Variants in DYNC1H1 observed in about 807,000 individuals in gnomAD.
DYNC1H1 encodes dynein cytoplasmic 1 heavy chain 1, also known as cytoplasmic dynein 1 heavy chain 1.
A neutral mutation model predicts 527.1 loss-of-function variants in DYNC1H1; 51 were observed. The observed-to-expected ratio is 0.10, with a 90% CI of 0.08 to 0.12. DYNC1H1 has a LOEUF of 0.12. Among genes scored for constraint, DYNC1H1 ranks in the 10% least tolerant of loss-of-function variants. The probability of loss-of-function intolerance (pLI) is 1.00; values close to 1 mark genes in which losing one functional copy is unlikely to be tolerated. For missense variants in DYNC1H1, 2,771 were observed against 5,971.8 expected, an observed-to-expected ratio of 0.46 and a Z score of 17.66; for synonymous variants, 2,189 against 2,278.8, an observed-to-expected ratio of 0.96 and a Z score of 1.12.
At position 102,054,360 on chromosome 14, in the gene DYNC1H1, C is replaced by T. The variant is rs1478269686; in HGVS notation, c.*3797C>T. The T allele has an allele frequency of 6.6e-6, 1 of 152,232 alleles. No individual in the cohort carries two copies. The highest frequency in any genetic ancestry group is 2.4e-5 in the African/African-American group (1 of 41,452). The allele number at this position is 152,232 out of a possible 1,614,324, so 9.4% of individuals were successfully genotyped here. On this transcript the variant is annotated 3_prime_UTR_variant, in exon 78 of 78. Coordinates refer to ENST00000360184, the MANE Select transcript of DYNC1H1 (RefSeq NM_001376.5). ...CCTGAAGGGCGTTCTGGGGAGCCTC[C>T]ACCTTCACACCGAAGGCCGCCAAGG... is the stretch of plus-strand genomic sequence containing the variant.
At chr14:102,024,529 G>A (rs2048425869) in intron 43 of DYNC1H1, among the ~76,000 whole-genome samples, 1 of 152,124 alleles carries the variant, frequency 6.6e-6, no homozygotes, top group South Asian at 2.1e-4. Context: ...GGTTCACCAC[G>A]TCAGGGAGGG....
chr14:102,032,939 C>A, intron 52 of DYNC1H1, 126 bp from the exon 53 acceptor site: 2 of 948,216 alleles, frequency 2.1e-6, no homozygotes, highest in South Asian at 1.4e-5. Context: ...TCTAGCTCAT[C>A]CCCAGTGGTC....
intron 1 of DYNC1H1, among the ~76,000 whole-genome samples, chr14:101,968,497 G>A (rs2720217): frequency 0.036 from 5,454 of 151,960 alleles, 253 homozygotes; most frequent in African/African-American, 0.11. Context: ...GCCTGCCAAA[G>A]TGCTGGGATT....
At position 102,015,876 on chromosome 14, in the gene DYNC1H1, G is replaced by A. The variant is rs201651726; in HGVS notation, c.7263G>A (p.Thr2421=). ...TCTAGATCCAAAGAGATGCAGCTACGATCATGCAACCGTACTTCACGTCCA... is the reference window on the plus strand; with the variant it reads ...TCTAGATCCAAAGAGATGCAGCTACAATCATGCAACCGTACTTCACGTCCA... ...PMLQIQRDAA[T]IMQPYFTSNG... Residue 2421 remains threonine, a synonymous_variant, in exon 36 of 78, where the codon ACG becomes ACA. Transcript: ENST00000360184. The surrounding 1 kb of genome is among the most constrained non-coding windows in gnomAD (Gnocchi z 6.9). The A allele has an allele frequency of 3.2e-5, 51 of 1,614,190 alleles. No individual in the cohort carries two copies. In the African/African-American group the frequency reaches 3.7e-4, roughly 12 times the overall value.
rs1380450876 is a variant in DYNC1H1, at chr14:102,034,014, T to C, written c.10452T>C (p.Ala3484=). ...CTGCTCTTCTGAAGAGCTTGTCTGC[T>C]GAACGTGAACGATGGGAAAAAACAA... ...RSTALLKSLS[A]ERERWEKTSE... is the part of the protein sequence containing the mutation. Residue 3484 remains alanine, a synonymous_variant, in exon 55 of 78, where the codon GCT becomes GCC. Transcript: ENST00000360184. 2 of 1,614,092 alleles carry C rather than the reference T, an allele frequency of 1.2e-6. No individual in the cohort carries two copies. The highest frequency in any genetic ancestry group is 1.7e-6 in the Non-Finnish European group (2 of 1,180,040).
At position 102,055,666 on chromosome 14, in the gene DYNC1H1, C is replaced by T. The variant is rs1435285922; in HGVS notation, c.*5103C>T. ...CGATTCCACCTGTCCAAGGTAAAAC[C>T]CTGAGGTTGTCCCTCCTCCGCGGCA... is the stretch of plus-strand genomic sequence containing the variant. On this transcript the variant is annotated 3_prime_UTR_variant, in exon 78 of 78. Transcript: ENST00000360184. 3 of 152,600 alleles carry T rather than the reference C, an allele frequency of 2.0e-5. No individual in the cohort carries two copies. The highest frequency in any genetic ancestry group is 6.5e-5 in the Admixed American group (1 of 15,270). 9.5% of individuals were successfully genotyped at this position (152,600 alleles called of 1,614,324 possible). A position where few individuals can be genotyped will look rare whatever the true frequency, so the allele number is the denominator to read the frequency against.
rs1475165809 is a variant in DYNC1H1, at chr14:102,006,139, C to G, written c.5685C>G (p.Ala1895=). The part of the protein sequence containing the change: ...TDRCYLTMTQ[A]LEARLGGSPF... ...GCTGCTATTTGACAATGACACAAGC[C>G]TTGGAGGCCAGGCTGGGGGGTTCCC... Residue 1895 remains alanine (A), a synonymous_variant, in exon 27 of 78, where the codon GCC becomes GCG. Coordinates refer to ENST00000360184, the MANE Select transcript of DYNC1H1 (RefSeq NM_001376.5). The G allele has an allele frequency of 6.2e-6, 10 of 1,614,064 alleles. No individual in the cohort carries two copies. The highest frequency in any genetic ancestry group is 8.5e-6 in the Non-Finnish European group (10 of 1,180,046).
chr14:102,023,500 G>C (rs1199945348), intron 43 of DYNC1H1: 2 of 184,968 alleles, frequency 1.1e-5, no homozygotes, highest in Non-Finnish European at 1.1e-5. Flanking sequence ...GGTGAGCTGA[G>C]ATCGCGCCAT....
rs1206488209 is a variant in DYNC1H1 at position 101,965,930 on chromosome 14, C to T, written c.256+983C>T. ...CGCCCACCAGCAAGGTTACATTCATCTAAGTCTGGGGCTTGCCTGCAGGCA... is the reference window on the plus strand; with the variant it reads ...CGCCCACCAGCAAGGTTACATTCATTTAAGTCTGGGGCTTGCCTGCAGGCA... On this transcript the variant is annotated intron_variant, in intron 1 of 77. Coordinates refer to ENST00000360184, the MANE Select transcript of DYNC1H1 (RefSeq NM_001376.5). This position sits in a 1 kb window ranked among gnomAD's most constrained non-coding sequence, Gnocchi z 4.1. Among the ~76,000 whole-genome samples, 1 of 152,058 alleles carries T rather than the reference C, an allele frequency of 6.6e-6. No individual in the cohort carries two copies. The highest frequency in any genetic ancestry group is 1.5e-5 in the Non-Finnish European group (1 of 68,008).
chr14:102,019,577 G>A (rs962747647), intron 41 of DYNC1H1, among the ~76,000 whole-genome samples: 3 of 152,110 alleles, frequency 2.0e-5, no homozygotes, highest in Admixed American at 6.6e-5. Flanking sequence ...CTTTGTTCTG[G>A]ACAGTTATTT....
chr14:102,022,796 C>A lies in DYNC1H1; in HGVS notation c.8553C>A (p.Asp2851Glu). Residue 2851 changes from aspartate (D) to glutamate (E), a missense_variant, in exon 43 of 78, where the codon GAC becomes GAA. Physicochemically the swap from Asp to Glu is conservative, Grantham distance 45 (BLOSUM62 2). Coordinates refer to ENST00000360184, the MANE Select transcript of DYNC1H1 (RefSeq NM_001376.5). ...GGCGTTGGACTGATGAGAACATCGA[C>A]ACGGTTGCTCTGAAGCACTTCCCTA... ...EERRWTDENI[D>E]TVALKHFPNI... 6.2e-7 allele frequency: 1 copy of A among 1,614,220 alleles called. No homozygotes were observed. The highest frequency in any genetic ancestry group is 8.5e-7 in the Non-Finnish European group (1 of 1,180,036).
At chr14:101,991,876 T>G (rs2048002560) in intron 11 of DYNC1H1, among the ~76,000 whole-genome samples, 1 of 152,194 alleles carries the variant, frequency 6.6e-6, no homozygotes, top group African/African-American at 2.4e-5. Context: ...TTGGTCTCAG[T>G]AGTTTCTTCG....
rs555992808 is a variant in DYNC1H1, at chr14:102,001,568, T to C, written c.4429T>C (p.Leu1477=). The C allele has an allele frequency of 4.3e-6, 7 of 1,614,156 alleles. No individual in the cohort carries two copies. In the Admixed American group the frequency reaches 5.0e-5, roughly 12 times the overall value. ...AGTGTGGAATACTTATGAACTAGAC[T>C]TGGTTAATTATCAGAACAAGTGCCG... ...REVWNTYELD[L]VNYQNKCRLI... The change falls in exon 21 of 78, where the codon TTG becomes CTG. Residue 1477 remains leucine, a synonymous_variant. Transcript: ENST00000360184. The surrounding 1 kb of genome is among the most constrained non-coding windows in gnomAD (Gnocchi z 5.0).
chr14:102,040,386 G>C lies in DYNC1H1; in HGVS notation c.11841G>C (p.Leu3947Phe). 1 of 1,614,220 alleles carries C rather than the reference G, an allele frequency of 6.2e-7. No homozygotes were observed. The highest frequency in any genetic ancestry group is 8.5e-7 in the Non-Finnish European group (1 of 1,180,044). ...GCTGCCTTCCCGCGTTTAAGGACTT[G>C]ATTGCAAAGGTTCAGGCAGACGAGG... Reference protein sequence around the residue: ...RLSCLPAFKDLIAKVQADEQF... With the variant: ...RLSCLPAFKDFIAKVQADEQF... The change falls in exon 63 of 78, where the codon TTG (leucine) becomes TTC (phenylalanine). Residue 3947 changes from leucine to phenylalanine, a missense_variant. Coordinates refer to ENST00000360184, the MANE Select transcript of DYNC1H1 (RefSeq NM_001376.5).
Position 102,036,417 on chromosome 14 carries a change from A to T in DYNC1H1, c.10755-72A>T. ...TATCAATCAGGGTCTCTCATCAGGG[A>T]CTCGGCTAACCGTGATCCTGTGCTT... is the stretch of plus-strand genomic sequence containing the variant. On this transcript the variant is annotated intron_variant, in intron 56 of 77. Transcript: ENST00000360184. This position sits in a 1 kb window ranked among gnomAD's most constrained non-coding sequence, Gnocchi z 5.6. The T allele has an allele frequency of 6.3e-7, 1 of 1,599,720 alleles. No individual in the cohort carries two copies. The highest frequency in any genetic ancestry group is 8.5e-7 in the Non-Finnish European group (1 of 1,170,062).
At chr14:102,025,563 A>AG (rs1476007304) in intron 43 of DYNC1H1, among the ~76,000 whole-genome samples, 1 of 104,898 alleles carries the variant, frequency 9.5e-6, no homozygotes, top group African/African-American at 3.5e-5. Flanking sequence ...CCCTGTCTCA[A>AG]GGAAAAAAAA....
rs17541179 is a variant in DYNC1H1 at position 102,016,399 on chromosome 14, A to G, written c.7524A>G (p.Leu2508=). The G allele has an allele frequency of 0.012, 19,406 of 1,614,176 alleles. 434 individuals carry two copies. The highest frequency in any genetic ancestry group is 0.087 in the African/African-American group (6,518 of 75,042). The change falls in exon 37 of 78, where the codon CTA becomes CTG. Residue 2508 remains leucine, a synonymous_variant. Coordinates refer to ENST00000360184, the MANE Select transcript of DYNC1H1 (RefSeq NM_001376.5). The surrounding 1 kb of genome is among the most constrained non-coding windows in gnomAD (Gnocchi z 7.3). ...GGTCCCTGTCTGGAGACAGCCGGCT[A>G]AAAATGAGAGCAGAGCTGGGTGAAT... ...ILWSLSGDSR[L]KMRAELGEYI...
At chr14:102,026,264 TTA>T (rs2048449926) in intron 43 of DYNC1H1, among the ~76,000 whole-genome samples, 1 of 152,216 alleles carries the variant, frequency 6.6e-6, no homozygotes, top group Non-Finnish European at 1.5e-5. Flanking sequence ...TACATTGAAC[TTA>T]TGGATGAGTT....
At chr14:102,032,657 A>G in intron 52 of DYNC1H1, 190 bp downstream of exon 52, 3 of 724,596 alleles carry the variant, frequency 4.1e-6, no homozygotes, top group South Asian at 1.7e-5. Flanking sequence ...TTAGAGACCA[A>G]CCTGGGCTAC....
Sources: allele counts gnomAD v4.1 joint callset (sites outside exome capture counted in the v4.1 genomes callset), GRCh38; gene constraint gnomAD v4.1.1; non-coding constraint Gnocchi (gnomAD v3.1); transcripts MANE v1.5; gene names NCBI Gene and HGNC (gene_info 2026-07-23, HGNC 2026-07-21).